MAGI2: variants seen among roughly 807,000 people sequenced by gnomAD.
The protein encoded by MAGI2 is membrane-associated guanylate kinase, WW and PDZ domain-containing protein 2.
Under a neutral mutation model 133.3 loss-of-function variants are expected in MAGI2, and 35 were observed. The ratio of observed to expected loss-of-function variants is 0.26; its 90% confidence interval spans 0.20 to 0.35. The LOEUF (loss-of-function observed/expected upper bound fraction) is 0.35. Among genes scored for constraint, MAGI2 ranks in the 10% least tolerant of loss-of-function variants. The pLI, the probability that MAGI2 is intolerant of heterozygous loss-of-function variation, is 1.00. For synonymous variants in MAGI2, 729 were observed against 710.6 expected (o/e 1.03, Z -0.41); for missense variants, 1,636 against 1,863.4 (o/e 0.88, Z 2.25).
At chr7:78,154,814 G>C (rs1824229338) in intron 16 of MAGI2, among the ~76,000 whole-genome samples, 1 of 152,176 alleles carries the variant, frequency 6.6e-6, no homozygotes, top group Non-Finnish European at 1.5e-5. Context: ...AGGTGCTACA[G>C]CTGGACAATA....
chr7:79,350,735 T>G (rs1255318144), intron 1 of MAGI2, among the ~76,000 whole-genome samples: 1 of 152,162 alleles, frequency 6.6e-6, no homozygotes, highest in Non-Finnish European at 1.5e-5. Flanking sequence ...ACAGTCATTC[T>G]TCTTATTAAA....
At chr7:78,882,107 AAG>A (rs1554595664) in intron 2 of MAGI2, among the ~76,000 whole-genome samples, 37 of 114,926 alleles carry the variant, frequency 3.2e-4, no homozygotes, top group Non-Finnish European at 4.5e-4. Context: ...AAAAAAAAAA[AAG>A]AAAAGAAAAA....
intron 6 of MAGI2, among the ~76,000 whole-genome samples, chr7:78,481,350 A>G (rs6466246): frequency 0.25 from 38,102 of 151,788 alleles, 4,891 homozygotes; most frequent in East Asian, 0.36. Flanking sequence ...TACCATTTAT[A>G]AAACCATTAG....
intron 1 of MAGI2, among the ~76,000 whole-genome samples, chr7:79,298,451 C>T (rs1444845501): frequency 6.6e-6 from 1 of 152,006 alleles, no homozygotes; most frequent in Non-Finnish European, 1.5e-5. Context: ...AATATTATGG[C>T]TGTTTTGTAA....
intron 1 of MAGI2, among the ~76,000 whole-genome samples, chr7:79,131,787 G>A (rs1420965397): frequency 6.6e-6 from 1 of 152,082 alleles, no homozygotes. Flanking sequence ...AATTGGATAT[G>A]TAACTGATGA....
In MAGI2 at chr7:79,205,219, T is replaced by G. The variant is rs145232463; in HGVS notation, c.302-198013A>C. Among the ~76,000 whole-genome samples the G allele has an allele frequency of 1.3e-3, 190 of 151,934 alleles. 1 individual carries two copies. The highest frequency in any genetic ancestry group is 4.5e-3 in the African/African-American group (184 of 41,322). On this transcript the variant is annotated intron_variant, in intron 1 of 21. Coordinates refer to ENST00000354212, the MANE Select transcript of MAGI2 (RefSeq NM_012301.4). The stretch of plus-strand genomic sequence containing the variant: ...AATATCAAACACAAAGAAAAGATCT[T>G]GAAAGCAGCAAAAGAAAACAACCAA...
At chr7:78,293,828 T>C (rs573386270) in intron 9 of MAGI2, among the ~76,000 whole-genome samples, 177 of 152,180 alleles carry the variant, frequency 1.2e-3, no homozygotes, top group Non-Finnish European at 1.8e-3. Flanking sequence ...AGCAAACTAT[T>C]GCAAGGACAG....
chr7:78,544,022 G>C (rs572773508), intron 3 of MAGI2, among the ~76,000 whole-genome samples: 1 of 152,280 alleles, frequency 6.6e-6, no homozygotes, highest in South Asian at 2.1e-4. Context: ...GTGTGACTAT[G>C]AGTTTCAGGA....
rs375802004 is a variant in MAGI2, at chr7:78,359,695, CT to C, written c.1103+9460del. ...AATAAAAGAATGGTAATATATGTTA[CT>C]GTCCAACCAAACAAAAAGTAGAAAT... On this transcript the variant is annotated intron_variant, in intron 7 of 21. Coordinates refer to ENST00000354212, the MANE Select transcript of MAGI2 (RefSeq NM_012301.4). Among the ~76,000 whole-genome samples the C allele has an allele frequency of 1.5e-3, 221 of 152,206 alleles. 2 individuals carry two copies. The South Asian group carries it at 0.019, about 13-fold the overall frequency.
chr7:79,190,761 C>G (rs1187722467), intron 1 of MAGI2, among the ~76,000 whole-genome samples: 1 of 151,768 alleles, frequency 6.6e-6, no homozygotes, highest in Non-Finnish European at 1.5e-5. Context: ...GTACCATGCT[C>G]TGGGATTCTA....
intron 2 of MAGI2, among the ~76,000 whole-genome samples, chr7:78,787,330 G>A (rs1319736338): frequency 6.6e-6 from 1 of 152,160 alleles, no homozygotes; most frequent in Non-Finnish European, 1.5e-5. Flanking sequence ...GGGATGAGAA[G>A]TATGGAGGCC....
intron 3 of MAGI2, among the ~76,000 whole-genome samples, chr7:78,573,251 T>TAAAA (rs1801798459): frequency 4.1e-5 from 2 of 48,988 alleles, no homozygotes; most frequent in South Asian, 1.5e-3. Flanking sequence ...TATATAAATA[T>TAAAA]ATATAAATAT....
chr7:78,754,626 A>C (rs1823777185), intron 2 of MAGI2, among the ~76,000 whole-genome samples: 1 of 152,162 alleles, frequency 6.6e-6, no homozygotes, highest in African/African-American at 2.4e-5. Flanking sequence ...GCTTGTTAGC[A>C]TCAGCCAATT....
At chr7:79,369,686 T>C (rs576571449) in intron 1 of MAGI2, among the ~76,000 whole-genome samples, 27 of 152,306 alleles carry the variant, frequency 1.8e-4, no homozygotes, top group Non-Finnish European at 3.1e-4. Context: ...GTGTGGGTTG[T>C]TTTTAGTGAT....
chr7:78,774,751 GC>G, intron 2 of MAGI2, among the ~76,000 whole-genome samples: 1 of 151,988 alleles, frequency 6.6e-6, no homozygotes, highest in South Asian at 2.1e-4. Flanking sequence ...AACAGTTCAA[GC>G]AAAAAATGCT....
intron 2 of MAGI2, among the ~76,000 whole-genome samples, chr7:78,799,925 C>A (rs1787922819): frequency 6.6e-6 from 1 of 152,142 alleles, no homozygotes; most frequent in African/African-American, 2.4e-5. Flanking sequence ...TGATGGAAAG[C>A]AGCATTTCTT....
At chr7:78,721,656 A>G (rs529097815) in intron 2 of MAGI2, among the ~76,000 whole-genome samples, 3 of 151,996 alleles carry the variant, frequency 2.0e-5, no homozygotes, top group Non-Finnish European at 2.9e-5. Context: ...CAAAGAATTT[A>G]TTGAGAAGGT....
chr7:78,857,688 C>A (rs1471344958), intron 2 of MAGI2, among the ~76,000 whole-genome samples: 1 of 152,202 alleles, frequency 6.6e-6, no homozygotes, highest in African/African-American at 2.4e-5. Flanking sequence ...CATCGATGTT[C>A]ATCAGGGATA....
At chr7:78,965,336 A>T (rs1267919392) in intron 2 of MAGI2, among the ~76,000 whole-genome samples, 2 of 148,264 alleles carry the variant, frequency 1.3e-5, no homozygotes, top group East Asian at 3.9e-4. Context: ...AAAAGGTAGA[A>T]TTTTTTTTTT....
Sources: allele counts gnomAD v4.1 joint callset (sites outside exome capture counted in the v4.1 genomes callset), GRCh38; gene constraint gnomAD v4.1.1; transcripts MANE v1.5; gene names NCBI Gene and HGNC (gene_info 2026-07-23, HGNC 2026-07-21).